Variants in TBC1D31 observed in about 807,000 individuals in gnomAD.
TBC1D31 encodes the protein TBC1 domain family member 31, also known as WD repeat domain 67.
In TBC1D31, 99 loss-of-function variants were observed where a neutral mutation model predicts 132.9. The ratio of observed to expected loss-of-function variants is 0.74; its 90% CI spans 0.63 to 0.88. The LOEUF is 0.88. Among genes scored for constraint, TBC1D31 ranks in the 40% least tolerant of loss-of-function variants. The pLI is 0.00. For missense variants in TBC1D31, 1,134 were observed against 1,256.6 expected (o/e 0.90, Z 1.48); for synonymous variants, 385 against 419.4 (o/e 0.92, Z 1.00).
chr8:123,087,590 C>A (rs1051483673), intron 4 of TBC1D31, among the ~76,000 whole-genome samples: 4 of 152,098 alleles, frequency 2.6e-5, no homozygotes, highest in African/African-American at 9.7e-5. Flanking sequence ...ATTTTAAGTT[C>A]CAAAGAAGAG....
chr8:123,076,920 A>G (rs1382275622), intron 1 of TBC1D31, among the ~76,000 whole-genome samples, 191 bp from the exon 2 acceptor site: 1 of 152,168 alleles, frequency 6.6e-6, no homozygotes, highest in Admixed American at 6.5e-5. Flanking sequence ...AACAGTAGCT[A>G]TTTTGATAAT....
intron 11 of TBC1D31, among the ~76,000 whole-genome samples, chr8:123,121,864 A>G (rs1819519616): frequency 6.6e-6 from 1 of 152,232 alleles, no homozygotes; most frequent in African/African-American, 2.4e-5. Flanking sequence ...CAAACAAGCC[A>G]ATTAAAAAAT....
chr8:123,129,684 C>T (rs1488131701), intron 15 of TBC1D31, among the ~76,000 whole-genome samples: 5 of 152,174 alleles, frequency 3.3e-5, no homozygotes, highest in Non-Finnish European at 5.9e-5. Flanking sequence ...TTCAAAAGTA[C>T]GTTAGCTGGG....
chr8:123,148,842 GACATGGCCAACATGACCAACCTGGCCA>G (rs916341976), intron 20 of TBC1D31, among the ~76,000 whole-genome samples: 3 of 152,118 alleles, frequency 2.0e-5, no homozygotes, highest in East Asian at 1.9e-4. Context: ...CGACCTGGCC[GACATGGCCAACATGACCAACCTGGCCA>G]ACATGGTGAA....
intron 4 of TBC1D31, among the ~76,000 whole-genome samples, chr8:123,091,683 A>G (rs1656067845): frequency 6.6e-6 from 1 of 152,206 alleles, no homozygotes; most frequent in South Asian, 2.1e-4. Flanking sequence ...TCTCTAGTGC[A>G]TTATATATGT....
At chr8:123,138,337 AC>A (rs1821298650) in intron 17 of TBC1D31, among the ~76,000 whole-genome samples, 1 of 152,206 alleles carries the variant, frequency 6.6e-6, no homozygotes, top group African/African-American at 2.4e-5. Context: ...AAGCATCTTC[AC>A]ATATATATCT....
chr8:123,085,652 AC>A (rs1586568556), intron 4 of TBC1D31, among the ~76,000 whole-genome samples: 1 of 151,318 alleles, frequency 6.6e-6, no homozygotes, highest in East Asian at 2.0e-4. Flanking sequence ...CTTGTGATCC[AC>A]CCGCCTTAGC....
chr8:123,154,827 C>T (rs960421572), downstream of TBC1D31, among the ~76,000 whole-genome samples: 18 of 152,204 alleles, frequency 1.2e-4, no homozygotes, highest in South Asian at 1.0e-3. Flanking sequence ...CCCATGCACA[C>T]GCACCACTGG....
At chr8:123,164,702 A>G in the TBC1D31 span, among the ~76,000 whole-genome samples, 7 of 144,498 alleles carry the variant, frequency 4.8e-5, no homozygotes, top group African/African-American at 1.6e-4. Context: ...AGCCTGGGCA[A>G]CAGAGCGAGA....
chr8:123,142,394 A>C lies in TBC1D31; in HGVS notation c.2773A>C (p.Arg925=), dbSNP rs779923474. 9.3e-6 allele frequency: 15 copies of C among 1,607,702 alleles called. No homozygotes were observed. The African/African-American group carries it at 2.0e-4, about 22-fold the overall frequency. Residue 925 remains arginine, a synonymous_variant, in exon 19 of 22, where the codon AGG becomes CGG. Transcript: ENST00000287380. ...KCYQEVAKLL[R]ENRRKEIEII... ...TTACCAGGAAGTAGCCAAACTCCTT[A>C]GGGAAAACAGAAGGAAAGAAATAGA...
intron 6 of TBC1D31, among the ~76,000 whole-genome samples, chr8:123,100,130 C>T (rs1817238615): frequency 6.6e-6 from 1 of 152,108 alleles, no homozygotes; most frequent in Non-Finnish European, 1.5e-5. Flanking sequence ...CTCTCTGTCC[C>T]CTGTATATGT....
chr8:123,102,495 T>G (rs2130405077), intron 7 of TBC1D31: 1 of 290,966 alleles, frequency 3.4e-6, no homozygotes, highest in Non-Finnish European at 6.7e-6. Flanking sequence ...TCACTGAAAG[T>G]CTCACCATTC....
At chr8:123,132,762 T>C (rs1223970558) in intron 16 of TBC1D31, among the ~76,000 whole-genome samples, 2 of 152,174 alleles carry the variant, frequency 1.3e-5, no homozygotes, top group African/African-American at 4.8e-5. Flanking sequence ...CTTTATAGCA[T>C]GATACTTCTT....
intron 10 of TBC1D31, among the ~76,000 whole-genome samples, chr8:123,111,036 C>A (rs1818387160): frequency 6.6e-6 from 1 of 151,978 alleles, no homozygotes; most frequent in Admixed American, 6.6e-5. Context: ...GTTTCTCTAT[C>A]TCCTGAATTT....
At chr8:123,148,002 C>T (rs903936554) in intron 20 of TBC1D31, among the ~76,000 whole-genome samples, 3 of 151,912 alleles carry the variant, frequency 2.0e-5, no homozygotes, top group African/African-American at 7.3e-5. Context: ...TGGTACACAC[C>T]TGTAATCGCA....
At position 123,098,101 on chromosome 8, in the gene TBC1D31, A is replaced by C. The variant is rs75113784; in HGVS notation, c.831+660A>C. On this transcript the variant is annotated intron_variant, in intron 6 of 21. Transcript: ENST00000287380. The stretch of plus-strand genomic sequence containing the variant: ...TATGTATACATATGCATGTATGTAT[A>C]TATCATGTCCATTTTACTTACTTTT... Among the ~76,000 whole-genome samples the C allele has an allele frequency of 3.7e-3, 571 of 152,290 alleles. 2 individuals are homozygous for C. Among genetic ancestry groups the C allele is most frequent in the African/African-American group, 0.013 (553 of 41,556 alleles).
intron 5 of TBC1D31, among the ~76,000 whole-genome samples, chr8:123,096,209 C>A (rs190216629): frequency 6.6e-6 from 1 of 152,062 alleles, no homozygotes; most frequent in East Asian, 1.9e-4. Context: ...AAATTCAACC[C>A]CCCACCCCTC....
At chr8:123,096,958 G>A (rs1816893028) in intron 5 of TBC1D31, among the ~76,000 whole-genome samples, 1 of 152,094 alleles carries the variant, frequency 6.6e-6, no homozygotes. Context: ...TAAAATATAA[G>A]TGTTATGTGA....
chr8:123,128,575 T>C, intron 14 of TBC1D31, 62 bp downstream of exon 14: 1 of 1,263,160 alleles, frequency 7.9e-7, no homozygotes, highest in Non-Finnish European at 1.1e-6. Context: ...CATAAGAAAG[T>C]TTTAATGAAA....
Sources: allele counts gnomAD v4.1 joint callset (sites outside exome capture counted in the v4.1 genomes callset), GRCh38; gene constraint gnomAD v4.1.1; transcripts MANE v1.5; gene names NCBI Gene and HGNC (gene_info 2026-07-23, HGNC 2026-07-21).